Variants in IL20RA observed in about 807,000 individuals in gnomAD.
IL20RA encodes interleukin-20 receptor subunit alpha.
In IL20RA, 29 loss-of-function variants were observed where a neutral mutation model predicts 36.5. The ratio of observed to expected loss-of-function variants is 0.79; its 90% CI spans 0.59 to 1.08. The LOEUF is 1.08. IL20RA is among the 50% of genes least tolerant of loss of function. IL20RA has a pLI of 0.00. For missense variants in IL20RA, 652 were observed against 668.4 expected, an observed-to-expected ratio of 0.98 and a Z score of 0.27; for synonymous variants, 279 against 267.1, an observed-to-expected ratio of 1.04 and a Z score of -0.43.
At chr6:137,034,947 A>G (rs1371974316) in intron 1 of IL20RA, among the ~76,000 whole-genome samples, 4 of 47,006 alleles carry the variant, frequency 8.5e-5, no homozygotes, top group Non-Finnish European at 1.5e-4. Flanking sequence ...TCCATCTCAG[A>G]AAAAAAAAAA....
chr6:137,023,269 G>GAGACCCCCA (rs1302669847), intron 1 of IL20RA, among the ~76,000 whole-genome samples: 14 of 151,024 alleles, frequency 9.3e-5, no homozygotes, highest in African/African-American at 3.1e-4. Context: ...TCTAGGCACT[G>GAGACCCCCA]AGATGGGAAA....
chr6:137,006,305 T>C (rs1382203573), intron 5 of IL20RA, among the ~76,000 whole-genome samples: 1 of 152,170 alleles, frequency 6.6e-6, no homozygotes, highest in African/African-American at 2.4e-5. Flanking sequence ...AAGGAGCACA[T>C]TCATCACCAG....
chr6:137,035,418 T>G (rs1206370155), intron 1 of IL20RA, among the ~76,000 whole-genome samples: 1 of 152,212 alleles, frequency 6.6e-6, no homozygotes, highest in Non-Finnish European at 1.5e-5. Context: ...TTAGATCAGG[T>G]GTCTTATCCT....
At chr6:137,005,518 A>T (rs1775247756) in intron 5 of IL20RA, among the ~76,000 whole-genome samples, 1 of 152,240 alleles carries the variant, frequency 6.6e-6, no homozygotes, top group Admixed American at 6.5e-5. Flanking sequence ...CATTGTGACT[A>T]GCTCATACTT....
At chr6:137,017,232 T>G in intron 1 of IL20RA, 129 bp from the exon 2 acceptor site, 1 of 674,872 alleles carries the variant, frequency 1.5e-6, no homozygotes, top group Non-Finnish European at 2.5e-6. Flanking sequence ...GTAACATCTC[T>G]GAAATGGAAA....
chr6:137,008,260 C>G (rs570530496), intron 5 of IL20RA, among the ~76,000 whole-genome samples: 6 of 152,288 alleles, frequency 3.9e-5, no homozygotes, highest in African/African-American at 1.4e-4. Flanking sequence ...CCACTATGCC[C>G]AGCGTGATTA....
chr6:137,010,069 C>A (rs1320609552), intron 3 of IL20RA, among the ~76,000 whole-genome samples: 2 of 152,214 alleles, frequency 1.3e-5, no homozygotes, highest in Admixed American at 6.5e-5. Flanking sequence ...TAGTCACATG[C>A]ATAAACAGTA....
intron 1 of IL20RA, among the ~76,000 whole-genome samples, chr6:137,033,026 GT>G (rs1776354528): frequency 6.6e-6 from 1 of 152,142 alleles, no homozygotes; most frequent in South Asian, 2.1e-4. Flanking sequence ...CCTTGTATTA[GT>G]TTCCTAGGGC....
intron 1 of IL20RA, among the ~76,000 whole-genome samples, chr6:137,034,303 C>T (rs114483237): frequency 2.6e-5 from 4 of 152,140 alleles, no homozygotes; most frequent in African/African-American, 9.7e-5. Context: ...ATATTAACTA[C>T]TTGGTAATTT....
intron 2 of IL20RA, among the ~76,000 whole-genome samples, chr6:137,016,524 T>A (rs1277737417): frequency 6.6e-6 from 1 of 152,190 alleles, no homozygotes; most frequent in Non-Finnish European, 1.5e-5. Flanking sequence ...CTATCTGTCT[T>A]GCATTCTTTC....
intron 5 of IL20RA, among the ~76,000 whole-genome samples, chr6:137,005,186 C>T (rs570441567): frequency 2.0e-5 from 3 of 152,202 alleles, no homozygotes; most frequent in Non-Finnish European, 2.9e-5. Flanking sequence ...CACTTTTCCA[C>T]GCCACCTGTT....
chr6:137,034,439 T>C (rs1044824160), intron 1 of IL20RA, among the ~76,000 whole-genome samples: 9 of 152,206 alleles, frequency 5.9e-5, no homozygotes, highest in Non-Finnish European at 1.2e-4. Flanking sequence ...AGGATACACG[T>C]GCAGAATGTG....
chr6:137,006,926 G>T (rs1362329517), intron 5 of IL20RA, among the ~76,000 whole-genome samples: 4 of 152,096 alleles, frequency 2.6e-5, no homozygotes, highest in Non-Finnish European at 4.4e-5. Context: ...GTTTCACCAT[G>T]ATGCCCAGGC....
intron 5 of IL20RA, among the ~76,000 whole-genome samples, chr6:137,005,897 C>A (rs1012915508): frequency 6.6e-6 from 1 of 152,144 alleles, no homozygotes; most frequent in Non-Finnish European, 1.5e-5. Flanking sequence ...GACTTGCCAG[C>A]CTCTACGATC....
At chr6:137,033,860 T>G (rs976544507) in intron 1 of IL20RA, among the ~76,000 whole-genome samples, 2 of 152,248 alleles carry the variant, frequency 1.3e-5, no homozygotes, top group Non-Finnish European at 2.9e-5. Context: ...TCTGAGGTTG[T>G]AGGTGGAAAT....
chr6:137,020,172 T>C (rs1429198717), intron 1 of IL20RA, among the ~76,000 whole-genome samples: 1 of 152,218 alleles, frequency 6.6e-6, no homozygotes, highest in Non-Finnish European at 1.5e-5. Flanking sequence ...TAACTGAGGC[T>C]TCCCAAAGCT....
At chr6:137,042,981 T>G (rs1176987311) in intron 1 of IL20RA, 1 of 152,198 alleles carries the variant, frequency 6.6e-6, no homozygotes, top group Non-Finnish European at 1.5e-5. Context: ...AAGAAAGTAG[T>G]ATCAAGGTCT....
chr6:137,021,276 AG>A (rs1399556600), intron 1 of IL20RA, among the ~76,000 whole-genome samples: 3 of 152,190 alleles, frequency 2.0e-5, no homozygotes, highest in African/African-American at 4.8e-5. Context: ...TTCTGCAAAG[AG>A]GAGTTAAAAG....
intron 1 of IL20RA, chr6:137,044,214 A>ACGCGGCATCCACAGGGGCCCCTCCG (rs1365091849): frequency 6.1e-6 from 6 of 987,496 alleles, no homozygotes; most frequent in Non-Finnish European, 6.0e-6. Flanking sequence ...GGCGGCCGAG[A>ACGCGGCATCCACAGGGGCCCCTCCG]CGCGGCATCC....
Sources: gnomAD v4.1 joint callset for allele counts (sites outside exome capture counted in the v4.1 genomes callset) on GRCh38, gnomAD v4.1.1 for gene constraint, MANE v1.5 for transcripts, NCBI Gene and HGNC (gene_info 2026-07-23, HGNC 2026-07-21) for gene names.